The following IQCM variants were observed in gnomAD, a reference collection of about 807,000 sequenced individuals.
The protein encoded by IQCM is IQ motif containing M, also known as IQ domain-containing protein M.
IQCM carries 45 observed loss-of-function variants against 57.6 expected under a neutral mutation model. That is an observed-to-expected ratio of 0.78 (90% CI 0.62 to 1.00). The LOEUF (loss-of-function observed/expected upper bound fraction) is 1.00. Ranked by LOEUF, IQCM falls within the 50% of genes least tolerant of loss-of-function variation. The pLI, the probability that IQCM is intolerant of heterozygous loss-of-function variation, is 0.00. For synonymous variants in IQCM, 148 were observed against 158.9 expected (o/e 0.93, Z 0.51); for missense variants, 468 against 511.6 (o/e 0.91, Z 0.82).
intron 8 of IQCM, among the ~76,000 whole-genome samples, chr4:149,617,621 CA>C (rs1165379096): frequency 2.0e-5 from 3 of 152,012 alleles, no homozygotes; most frequent in Admixed American, 6.5e-5. Flanking sequence ...AAGTCTCCAT[CA>C]AAAAAACTAT....
intron 13 of IQCM, among the ~76,000 whole-genome samples, chr4:149,425,296 G>A (rs939072201): frequency 1.3e-5 from 2 of 151,950 alleles, no homozygotes; most frequent in African/African-American, 4.8e-5. Context: ...TAAAGAAATT[G>A]ATTATGAAGG....
chr4:149,352,123 G>A, intron 13 of IQCM, 57 bp from the exon 14 acceptor site: 1 of 398,460 alleles, frequency 2.5e-6, no homozygotes, highest in Non-Finnish European at 4.4e-6. Context: ...TGATAGTAAT[G>A]TACCATGGTT....
chr4:149,685,836 T>G (rs1190255835), intron 6 of IQCM, among the ~76,000 whole-genome samples: 1 of 151,484 alleles, frequency 6.6e-6, no homozygotes, highest in Non-Finnish European at 1.5e-5. Flanking sequence ...AAAGTTGTCT[T>G]GAAGATGGTG....
At chr4:149,569,475 A>T (rs891626329) in intron 9 of IQCM, among the ~76,000 whole-genome samples, 1 of 152,164 alleles carries the variant, frequency 6.6e-6, no homozygotes, top group Admixed American at 6.6e-5. Context: ...AGAGGACTCC[A>T]TTCCTCTCCA....
At chr4:149,388,543 T>A (rs1166903396) in intron 13 of IQCM, among the ~76,000 whole-genome samples, 1 of 133,660 alleles carries the variant, frequency 7.5e-6, no homozygotes, top group African/African-American at 2.7e-5. Flanking sequence ...ATATATTATA[T>A]ATAATATATA....
At chr4:149,483,220 CTT>C (rs1417447759) in intron 12 of IQCM, among the ~76,000 whole-genome samples, 1 of 151,766 alleles carries the variant, frequency 6.6e-6, no homozygotes, top group Non-Finnish European at 1.5e-5. Flanking sequence ...TGCAAAAAAA[CTT>C]TTTGTTTCAT....
At chr4:149,795,584 C>T (rs1561283598) in intron 2 of IQCM, among the ~76,000 whole-genome samples, 1 of 152,190 alleles carries the variant, frequency 6.6e-6, no homozygotes, top group Non-Finnish European at 1.5e-5. Flanking sequence ...AATGAGACAA[C>T]AGCTAGGGTG....
intron 8 of IQCM, among the ~76,000 whole-genome samples, chr4:149,611,983 A>C (rs925862588): frequency 2.0e-5 from 3 of 152,096 alleles, no homozygotes; most frequent in African/African-American, 7.2e-5. Flanking sequence ...TTTATAAAGA[A>C]AAGAGGTTTA....
At chr4:149,656,527 T>C (rs1040283001) in intron 7 of IQCM, among the ~76,000 whole-genome samples, 6 of 152,198 alleles carry the variant, frequency 3.9e-5, no homozygotes, top group African/African-American at 1.4e-4. Context: ...AGTGGATTCC[T>C]GCATGAAATT....
intron 8 of IQCM, among the ~76,000 whole-genome samples, chr4:149,605,504 G>C (rs1754695696): frequency 6.6e-6 from 1 of 152,082 alleles, no homozygotes; most frequent in Non-Finnish European, 1.5e-5. Context: ...TCTATTTACT[G>C]CTAAATAAAT....
At chr4:149,568,819 A>G (rs146113074) in intron 9 of IQCM, among the ~76,000 whole-genome samples, 1 of 152,134 alleles carries the variant, frequency 6.6e-6, no homozygotes, top group African/African-American at 2.4e-5. Context: ...TAACATAAAC[A>G]TATTAGAAGC....
intron 13 of IQCM, among the ~76,000 whole-genome samples, chr4:149,372,485 T>C (rs1730430992): frequency 6.6e-6 from 1 of 152,022 alleles, no homozygotes; most frequent in Non-Finnish European, 1.5e-5. Context: ...TAGCCCCATA[T>C]TTGAATGGAG....
chr4:149,579,211 T>C (rs1554000264), intron 9 of IQCM, among the ~76,000 whole-genome samples: 1 of 151,772 alleles, frequency 6.6e-6, no homozygotes, highest in South Asian at 2.1e-4. Context: ...TGATTTCCTA[T>C]AGTCAGTTTC....
At chr4:149,392,010 G>T (rs1203260285) in intron 13 of IQCM, among the ~76,000 whole-genome samples, 1 of 151,676 alleles carries the variant, frequency 6.6e-6, no homozygotes, top group Non-Finnish European at 1.5e-5. Flanking sequence ...AAGTGTTTAG[G>T]TTCTCTATTT....
At chr4:149,588,035 A>C in intron 8 of IQCM, 38 bp from the exon 9 acceptor site, 1 of 948,490 alleles carries the variant, frequency 1.1e-6, no homozygotes, top group Non-Finnish European at 1.4e-6. Context: ...TAAGTAGAAA[A>C]ACAATGTTAT....
At chr4:149,648,753 TG>T (rs1184058581) in intron 7 of IQCM, among the ~76,000 whole-genome samples, 2 of 150,870 alleles carry the variant, frequency 1.3e-5, no homozygotes, top group Non-Finnish European at 3.0e-5. Flanking sequence ...TGTTGTGGGG[TG>T]GGGGGAGAAG....
At chr4:149,379,565 C>A (rs1329754901) in intron 13 of IQCM, among the ~76,000 whole-genome samples, 1 of 152,146 alleles carries the variant, frequency 6.6e-6, no homozygotes, top group Non-Finnish European at 1.5e-5. Flanking sequence ...AGCCCCTTTG[C>A]TTTGGCCAAT....
intron 12 of IQCM, among the ~76,000 whole-genome samples, chr4:149,524,460 T>C (rs1263535728): frequency 6.6e-6 from 1 of 151,832 alleles, no homozygotes; most frequent in Non-Finnish European, 1.5e-5. Flanking sequence ...ACATTTAAAA[T>C]AAAGAAACTA....
At chr4:149,667,169 T>C (rs979552445) in intron 7 of IQCM, among the ~76,000 whole-genome samples, 11 of 152,070 alleles carry the variant, frequency 7.2e-5, no homozygotes, top group African/African-American at 2.7e-4. Flanking sequence ...AGACAACTCA[T>C]ACAGGAGAGC....
Sources: allele counts gnomAD v4.1 joint callset (sites outside exome capture counted in the v4.1 genomes callset), GRCh38; gene constraint gnomAD v4.1.1; transcripts MANE v1.5; gene names NCBI Gene and HGNC (gene_info 2026-07-23, HGNC 2026-07-21).